Variants in PHACTR3 observed in about 807,000 individuals in gnomAD.
PHACTR3 encodes the protein protein phosphatase 1, regulatory subunit 123.
PHACTR3 carries 16 observed loss-of-function variants against 66.8 expected under a neutral mutation model. The ratio of observed to expected loss-of-function variants is 0.24; its 90% CI spans 0.16 to 0.36. PHACTR3 has a LOEUF of 0.36. Among genes scored for constraint, PHACTR3 ranks in the 10% least tolerant of loss-of-function variants. The pLI is 1.00. For synonymous variants in PHACTR3, 323 were observed against 292.1 expected (o/e 1.11, Z -1.08); for missense variants, 647 against 719.9 (o/e 0.90, Z 1.16).
intron 11 of PHACTR3, among the ~76,000 whole-genome samples, chr20:59,842,470 A>G (rs2059080991): frequency 6.6e-6 from 1 of 152,170 alleles, no homozygotes; most frequent in Non-Finnish European, 1.5e-5. Flanking sequence ...TGCGAGGAGA[A>G]GTATCTTTGG....
intron 1 of PHACTR3, among the ~76,000 whole-genome samples, chr20:59,653,342 G>A (rs2035517445): frequency 6.6e-6 from 1 of 152,040 alleles, no homozygotes; most frequent in Non-Finnish European, 1.5e-5. Flanking sequence ...TTGCCACCAT[G>A]CCTGGTTAAT....
chr20:59,784,365 A>G (rs2040835225), intron 7 of PHACTR3, among the ~76,000 whole-genome samples: 1 of 151,976 alleles, frequency 6.6e-6, no homozygotes. Context: ...ACAAACATGT[A>G]TGTGTATGCA....
chr20:59,733,317 T>C (rs1005749527), intron 1 of PHACTR3, among the ~76,000 whole-genome samples: 1 of 152,150 alleles, frequency 6.6e-6, no homozygotes, highest in African/African-American at 2.4e-5. Flanking sequence ...ATTTGGGAGA[T>C]TGAAATCTAT....
chr20:59,836,612 G>A, intron 9 of PHACTR3, 52 bp downstream of exon 9: 1 of 1,567,866 alleles, frequency 6.4e-7, no homozygotes, highest in Non-Finnish European at 8.7e-7. Context: ...TGGTGAGGCT[G>A]TTGCACAAAT....
At chr20:59,632,830 G>T (rs191525945) in intron 1 of PHACTR3, among the ~76,000 whole-genome samples, 39 of 152,296 alleles carry the variant, frequency 2.6e-4, no homozygotes, top group Admixed American at 7.2e-4. Context: ...TGCTTTAAGT[G>T]CATGCCCAGT....
At chr20:59,705,733 G>A (rs996123109) in intron 1 of PHACTR3, among the ~76,000 whole-genome samples, 3 of 152,170 alleles carry the variant, frequency 2.0e-5, no homozygotes, top group African/African-American at 7.2e-5. Flanking sequence ...CCCTCTGTCT[G>A]TGGAGAAGGC....
chr20:59,718,076 A>G (rs1469651646), intron 1 of PHACTR3, among the ~76,000 whole-genome samples: 1 of 152,222 alleles, frequency 6.6e-6, no homozygotes, highest in Admixed American at 6.5e-5. Flanking sequence ...TTAGGTGGTC[A>G]AGGGCAAAAA....
Position 59,773,427 on chromosome 20 carries a change from G to T in PHACTR3, c.900G>T (p.Ala300=), listed in dbSNP as rs149640035. The change falls in exon 6 of 13, where the codon GCG becomes GCT. Residue 300 remains alanine (A), a synonymous_variant. Coordinates refer to ENST00000371015, the MANE Select transcript of PHACTR3 (RefSeq NM_080672.5). ...PSRVIEELHR[A]LATKHRQDSF... is the part of the protein sequence containing the mutation. ...GCGTCATTGAGGAGCTGCACAGGGC[G>T]CTGGCCACGAAGCACCGCCAGGACA... 2 of 1,612,824 alleles carry T rather than the reference G, an allele frequency of 1.2e-6. No homozygotes were observed. Among genetic ancestry groups the T allele is most frequent in the East Asian group, 2.2e-5 (1 of 44,852 alleles).
rs1266074728 is a variant in PHACTR3 at position 59,765,734 on chromosome 20, CTG to C, written c.542-1448_542-1447del. Among the ~76,000 whole-genome samples the C allele has an allele frequency of 4.6e-5, 7 of 152,316 alleles. No individual in the cohort carries two copies. In the South Asian group the frequency reaches 1.0e-3, roughly 23 times the overall value. ...TGTTGTAACACCCCCTCCCTGACCA[CTG>C]TGTTTTCAGCACCATGGACAGCACC... On this transcript the variant is annotated intron_variant, in intron 4 of 12. Transcript: ENST00000371015.
At chr20:59,634,818 T>C (rs1171933543) in intron 1 of PHACTR3, among the ~76,000 whole-genome samples, 1 of 152,220 alleles carries the variant, frequency 6.6e-6, no homozygotes, top group African/African-American at 2.4e-5. Context: ...AGATGGTTGC[T>C]GAACACTCGA....
At chr20:59,737,746 T>C (rs1035647554) in intron 1 of PHACTR3, among the ~76,000 whole-genome samples, 1 of 152,112 alleles carries the variant, frequency 6.6e-6, no homozygotes, top group Non-Finnish European at 1.5e-5. Flanking sequence ...AAGGCAGGCA[T>C]CGTCTCTTTT....
intron 1 of PHACTR3, among the ~76,000 whole-genome samples, chr20:59,683,157 C>T (rs1054763631): frequency 2.0e-5 from 3 of 152,124 alleles, no homozygotes; most frequent in African/African-American, 7.2e-5. Context: ...AGGGAGGACT[C>T]TCAGGTTCTG....
upstream of PHACTR3, among the ~76,000 whole-genome samples, chr20:59,601,767 T>C (rs951789513): frequency 2.6e-5 from 4 of 152,204 alleles, no homozygotes; most frequent in East Asian, 1.9e-4. Context: ...CAAAGAATAA[T>C]ATAAGGAAAA....
At chr20:59,776,876 G>A (rs1230670253) in intron 7 of PHACTR3, among the ~76,000 whole-genome samples, 1 of 152,166 alleles carries the variant, frequency 6.6e-6, no homozygotes, top group South Asian at 2.1e-4. Flanking sequence ...TTCTCTGATT[G>A]AGTGCTCTGC....
intron 1 of PHACTR3, among the ~76,000 whole-genome samples, chr20:59,611,715 CCCCAGGT>C (rs1284015540): frequency 1.3e-5 from 2 of 152,202 alleles, no homozygotes; most frequent in East Asian, 1.9e-4. Context: ...CCCTCTCCGG[CCCCAGGT>C]CCACCCAGCC....
chr20:59,791,854 G>A (rs980079113), intron 7 of PHACTR3, among the ~76,000 whole-genome samples: 1 of 151,514 alleles, frequency 6.6e-6, no homozygotes, highest in South Asian at 2.1e-4. Context: ...GGTATACTCA[G>A]TATACATTGC....
At chr20:59,612,664 G>A (rs1378255666) in intron 1 of PHACTR3, among the ~76,000 whole-genome samples, 3 of 152,216 alleles carry the variant, frequency 2.0e-5, no homozygotes, top group Non-Finnish European at 2.9e-5. Flanking sequence ...GATTACAGGC[G>A]TAAGCCACCG....
At chr20:59,647,451 GC>G (rs1048382022) in intron 1 of PHACTR3, among the ~76,000 whole-genome samples, 3 of 152,112 alleles carry the variant, frequency 2.0e-5, no homozygotes, top group African/African-American at 7.2e-5. Flanking sequence ...CAGGTGGAAG[GC>G]CCCCTGAGGT....
chr20:59,683,916 A>G (rs1437291396), intron 1 of PHACTR3, among the ~76,000 whole-genome samples: 2 of 152,224 alleles, frequency 1.3e-5, no homozygotes, highest in Non-Finnish European at 2.9e-5. Context: ...CTTGGGGTCC[A>G]GCTTGACCCT....
Sources: allele counts gnomAD v4.1 joint callset (sites outside exome capture counted in the v4.1 genomes callset), GRCh38; gene constraint gnomAD v4.1.1; transcripts MANE v1.5; gene names NCBI Gene and HGNC (gene_info 2026-07-23, HGNC 2026-07-21).